Variants in PHEX observed in about 807,000 individuals in gnomAD.
The protein encoded by PHEX is phosphate-regulating neutral endopeptidase PHEX.
PHEX carries 16 observed loss-of-function variants against 68.0 expected under a neutral mutation model. The observed-to-expected ratio is 0.24, with a 90% CI of 0.16 to 0.36. The LOEUF is 0.36. PHEX is among the 10% of genes least tolerant of loss of function. PHEX has a pLI of 1.00. For missense variants in PHEX, 480 were observed against 575.5 expected, an observed-to-expected ratio of 0.83 and a Z score of 1.70; for synonymous variants, 208 against 205.1, an observed-to-expected ratio of 1.01 and a Z score of -0.12.
chrX:22,237,919 A>G (rs1438826407), intron 20 of PHEX, among the ~76,000 whole-genome samples: 1 of 112,831 alleles, frequency 8.9e-6, no homozygotes, highest in Non-Finnish European at 1.9e-5. Context: ...ACAACACGAC[A>G]AAGTTTATTT....
chrX:22,182,485 A>T lies in PHEX; in HGVS notation c.1586+4109A>T, dbSNP rs554350057. ...GGAATGAGGGAAGGACGGTATAGGCAATTCAAGACTGGCTTTCCTACCCTC... is the reference window on the plus strand; with the variant it reads ...GGAATGAGGGAAGGACGGTATAGGCTATTCAAGACTGGCTTTCCTACCCTC... On this transcript the variant is annotated intron_variant, in intron 14 of 21. Coordinates refer to ENST00000379374, the MANE Select transcript of PHEX (RefSeq NM_000444.6). Among the ~76,000 whole-genome samples, 6 of 111,036 alleles carry T rather than the reference A, an allele frequency of 5.4e-5. No homozygotes were observed. The South Asian group carries it at 2.3e-3, about 42-fold the overall frequency.
intron 5 of PHEX, among the ~76,000 whole-genome samples, chrX:22,088,508 G>C (rs1017139069): frequency 2.7e-5 from 3 of 110,999 alleles, no homozygotes; most frequent in African/African-American, 9.8e-5. Context: ...ACAGATCTAT[G>C]GTAGTGTTTT....
intron 3 of PHEX, among the ~76,000 whole-genome samples, chrX:22,063,383 C>T (rs1464402528): frequency 8.9e-6 from 1 of 112,479 alleles, no homozygotes; most frequent in African/African-American, 3.2e-5. Flanking sequence ...TAAATTCAGA[C>T]ATAAAATTCT....
intron 5 of PHEX, among the ~76,000 whole-genome samples, chrX:22,080,288 G>C (rs1212785804): frequency 2.7e-5 from 3 of 112,067 alleles, no homozygotes; most frequent in Non-Finnish European, 5.6e-5. Context: ...GCTCTCTTTT[G>C]TCAAGATGGC....
chrX:22,164,381 G>A (rs1933241328), intron 12 of PHEX, among the ~76,000 whole-genome samples: 1 of 111,804 alleles, frequency 8.9e-6, no homozygotes, highest in Admixed American at 9.5e-5. Flanking sequence ...CCTTATTCTA[G>A]GTATGTATCT....
chrX:22,198,614 A>G (rs1934448188), intron 15 of PHEX, among the ~76,000 whole-genome samples: 1 of 111,722 alleles, frequency 9.0e-6, no homozygotes, highest in African/African-American at 3.3e-5. Context: ...AGAACATAGC[A>G]CAGGAACAGA....
intron 5 of PHEX, among the ~76,000 whole-genome samples, chrX:22,085,379 A>G (rs988519951): frequency 3.6e-5 from 4 of 110,495 alleles, no homozygotes; most frequent in Non-Finnish European, 5.7e-5. Context: ...GTTTGAGACC[A>G]GCCTGACCAA....
intron 7 of PHEX, 117 bp downstream of exon 7, chrX:22,094,216 C>T: frequency 2.2e-6 from 1 of 458,516 alleles, no homozygotes; most frequent in Admixed American, 2.9e-5. Flanking sequence ...AAATTGCAAA[C>T]AAATAATAGC....
rs747924219 is a variant in PHEX, at chrX:22,184,216, GAT to G, written c.1586+5843_1586+5844del. ...TAAGGTCTTCTTTGCATAGTAAAGGGATATGAGTAAATTCCTTTTCCTTCTTG... is the reference window on the plus strand; with the variant it reads ...TAAGGTCTTCTTTGCATAGTAAAGGGATGAGTAAATTCCTTTTCCTTCTTG... On this transcript the variant is annotated intron_variant, in intron 14 of 21. Transcript: ENST00000379374. Among the ~76,000 whole-genome samples, 12 of 110,620 alleles carry G rather than the reference GAT, an allele frequency of 1.1e-4. No individual in the cohort carries two copies. The South Asian group carries it at 3.1e-3, about 28-fold the overall frequency.
chrX:22,201,690 A>G (rs1934563441), intron 15 of PHEX, among the ~76,000 whole-genome samples: 1 of 111,836 alleles, frequency 8.9e-6, no homozygotes, highest in South Asian at 3.7e-4. Flanking sequence ...TCCCAGAACC[A>G]ATGCCTGTAA....
chrX:22,223,557 A>G (rs983832393), intron 18 of PHEX, among the ~76,000 whole-genome samples: 2 of 111,926 alleles, frequency 1.8e-5, no homozygotes, highest in African/African-American at 6.5e-5. Context: ...CCAGCCTGGG[A>G]AACATACGGA....
chrX:22,241,267 A>G (rs1936182719), intron 20 of PHEX, among the ~76,000 whole-genome samples: 1 of 112,379 alleles, frequency 8.9e-6, no homozygotes, highest in African/African-American at 3.2e-5. Context: ...TCTGGGACAC[A>G]TTTAAAGCAG....
intron 12 of PHEX, among the ~76,000 whole-genome samples, chrX:22,149,627 G>A (rs780395363): frequency 4.0e-4 from 45 of 112,430 alleles, no homozygotes; most frequent in African/African-American, 1.2e-3. Flanking sequence ...GGTGGTGCCT[G>A]CCTGTAATTC....
At chrX:22,129,311 C>T (rs1288667524) in intron 11 of PHEX, among the ~76,000 whole-genome samples, 3 of 112,043 alleles carry the variant, frequency 2.7e-5, no homozygotes, top group Non-Finnish European at 5.6e-5. Context: ...TTTCAGAACA[C>T]AGTTGCCCAT....
intron 16 of PHEX, among the ~76,000 whole-genome samples, chrX:22,216,290 G>GTTGTT (rs911577081): frequency 9.0e-6 from 1 of 111,148 alleles, no homozygotes; most frequent in African/African-American, 3.3e-5. Context: ...CAGCAGTATA[G>GTTGTT]TTGTTTTGTT....
chrX:22,190,764 T>C (rs1934173781), intron 15 of PHEX, among the ~76,000 whole-genome samples: 1 of 111,665 alleles, frequency 9.0e-6, no homozygotes, highest in Non-Finnish European at 1.9e-5. Context: ...AAGTTTGCCA[T>C]GAAAAGGAGC....
intron 3 of PHEX, among the ~76,000 whole-genome samples, chrX:22,054,527 G>T (rs1310167815): frequency 1.8e-5 from 2 of 111,659 alleles, no homozygotes; most frequent in Non-Finnish European, 3.8e-5. Flanking sequence ...CATTGTGGTG[G>T]GCTTTTTATT....
intron 12 of PHEX, among the ~76,000 whole-genome samples, chrX:22,134,315 G>T (rs1235646577): frequency 8.9e-6 from 1 of 112,704 alleles, no homozygotes; most frequent in African/African-American, 3.2e-5. Flanking sequence ...AACGGGCTGG[G>T]TGCAGTGGCT....
chrX:22,160,713 C>T (rs1249130999), intron 12 of PHEX, among the ~76,000 whole-genome samples: 1 of 111,194 alleles, frequency 9.0e-6, no homozygotes, highest in African/African-American at 3.3e-5. Context: ...TCTCCCATGA[C>T]GTGGGAATTA....
Sources: allele counts gnomAD v4.1 joint callset (sites outside exome capture counted in the v4.1 genomes callset), GRCh38; gene constraint gnomAD v4.1.1; transcripts MANE v1.5; gene names NCBI Gene and HGNC (gene_info 2026-07-23, HGNC 2026-07-21).